Variants in GPX2 observed in about 807,000 individuals in gnomAD.
The protein encoded by GPX2 is glutathione peroxidase 2, also known as gastrointestinal glutathione peroxidase.
In GPX2, 21 loss-of-function variants were observed where a neutral mutation model predicts 14.1. The ratio of observed to expected loss-of-function variants is 1.48; its 90% CI spans 1.05 to 2.14. The LOEUF (loss-of-function observed/expected upper bound fraction) is 2.14. Among genes scored for constraint, GPX2 ranks in the 30% most tolerant of loss-of-function variants. The pLI is 0.00. For synonymous variants in GPX2, 94 were observed against 95.2 expected, an observed-to-expected ratio of 0.99 and a Z score of 0.07; for missense variants, 241 against 249.8, an observed-to-expected ratio of 0.96 and a Z score of 0.24.
rs766927254 is a variant in GPX2, at chr14:64,939,812, C to A, written c.249G>T (p.Leu83=). 3 of 1,614,006 alleles carry A rather than the reference C, an allele frequency of 1.9e-6. No homozygotes were observed. Among genetic ancestry groups the A allele is most frequent in the East Asian group, 4.5e-5 (2 of 44,878 alleles). The change falls in exon 2 of 2, where the codon CTG becomes CTT. Residue 83 remains leucine, a synonymous_variant. Transcript: ENST00000389614. The surrounding 1 kb of genome is among the most constrained non-coding windows in gnomAD (Gnocchi z 5.7). ...CAGGACGGACATACTTGAGACTGTT[C>A]AGGATCTCCTCATTCTGACAGTTCT... ...HQENCQNEEI[L]NSLKYVRPGG...
intron 1 of GPX2, among the ~76,000 whole-genome samples, chr14:64,941,763 G>T (rs868242634): frequency 5.3e-5 from 8 of 152,174 alleles, no homozygotes; most frequent in African/African-American, 1.2e-4. Context: ...AAGAGAACTC[G>T]AGGTGTGTGG....
chr14:64,940,041 T>C lies in GPX2; in HGVS notation c.223-203A>G. On this transcript the variant is annotated intron_variant, in intron 1 of 1. Transcript: ENST00000389614. This position sits in a 1 kb window ranked among gnomAD's most constrained non-coding sequence, Gnocchi z 4.5. ...AAGCATTCCTCCTGCTTCAGCCTCT[T>C]TAGTAGCTGAGACTACAGACACAGG... 6.8e-7 allele frequency: 1 copy of C among 1,477,392 alleles called. No individual in the cohort carries two copies. Among genetic ancestry groups the C allele is most frequent in the Non-Finnish European group, 9.0e-7 (1 of 1,116,096 alleles). 91.5% of individuals were successfully genotyped at this position (1,477,392 alleles called of 1,614,324 possible).
Position 64,939,431 on chromosome 14 carries a change from C to T in GPX2, c.*57G>A. On this transcript the variant is annotated 3_prime_UTR_variant, in exon 2 of 2. Coordinates refer to ENST00000389614, the MANE Select transcript of GPX2 (RefSeq NM_002083.4). The surrounding 1 kb of genome is among the most constrained non-coding windows in gnomAD (Gnocchi z 5.7). The stretch of plus-strand genomic sequence containing the variant: ...AGTGTCTCCTGAAGGCATGCTGCAT[C>T]CTAAGGCTCCTCAGGACTGGATGGA... 3 of 1,388,434 alleles carry T rather than the reference C, an allele frequency of 2.2e-6. No homozygotes were observed. The highest frequency in any genetic ancestry group is 3.0e-6 in the Non-Finnish European group (3 of 992,110). 86.0% of individuals were successfully genotyped at this position (1,388,434 alleles called of 1,614,324 possible). A position where few individuals can be genotyped will look rare whatever the true frequency, so the allele number is the denominator to read the frequency against.
chr14:64,941,376 A>T, intron 1 of GPX2: 1 of 1,279,750 alleles, frequency 7.8e-7, no homozygotes, highest in Non-Finnish European at 1.0e-6. Flanking sequence ...GCAGATTTCT[A>T]TTTCTTGATA....
chr14:64,940,482 TGAA>T lies in GPX2; in HGVS notation c.223-647_223-645del, dbSNP rs1203021234. On this transcript the variant is annotated intron_variant, in intron 1 of 1. Transcript: ENST00000389614. This position sits in a 1 kb window ranked among gnomAD's most constrained non-coding sequence, Gnocchi z 4.5. ...CTTTCTTCTTGCCTTGTCCTAGAAC[TGAA>T]GTACAAATGGGAAGAAGCTTTGATG... is the stretch of plus-strand genomic sequence containing the variant. 2.6e-5 allele frequency among the ~76,000 whole-genome samples: 4 copies of T among 152,152 alleles called. No individual in the cohort carries two copies. The East Asian group carries it at 7.7e-4, about 29-fold the overall frequency.
At chr14:64,941,654 T>A in intron 1 of GPX2, 1 of 685,294 alleles carries the variant, frequency 1.5e-6, no homozygotes, top group Non-Finnish European at 2.1e-6. Context: ...TTCATACCAC[T>A]GTGAATTGAA....
chr14:64,942,378 C>T (rs17880758), intron 1 of GPX2, 127 bp downstream of exon 1: 43,615 of 712,942 alleles, frequency 0.061, 1,883 homozygotes, highest in South Asian at 0.14. Context: ...ACCTAAAGAC[C>T]TAGCTTAACA....
Position 64,940,459 on chromosome 14 carries a change from T to G in GPX2, c.223-621A>C, listed in dbSNP as rs1566836513. ...GGAATGGGATTTACAGCTTCTTGCT[T>G]TCTTCTTGCCTTGTCCTAGAACTGA... On this transcript the variant is annotated intron_variant, in intron 1 of 1. Transcript: ENST00000389614. This position sits in a 1 kb window ranked among gnomAD's most constrained non-coding sequence, Gnocchi z 4.5. Among the ~76,000 whole-genome samples the G allele has an allele frequency of 1.3e-5, 2 of 152,208 alleles. No individual in the cohort carries two copies. Among genetic ancestry groups the G allele is most frequent in the Admixed American group, 1.3e-4 (2 of 15,280 alleles).
In GPX2 at chr14:64,940,083, A is replaced by ATTT. The variant is rs199610896; in HGVS notation, c.223-248_223-246dup. 1.4e-4 allele frequency: 170 copies of ATTT among 1,209,272 alleles called. No individual in the cohort carries two copies. Among genetic ancestry groups the ATTT allele is most frequent in the East Asian group, 1.3e-3 (35 of 27,680 alleles). The allele number at this position is 1,209,272 out of a possible 1,614,324, so 74.9% of individuals were successfully genotyped here. On this transcript the variant is annotated intron_variant, in intron 1 of 1. Transcript: ENST00000389614. This position sits in a 1 kb window ranked among gnomAD's most constrained non-coding sequence, Gnocchi z 4.5. ...AGACACAGGCCACCATGCCCGGCTA[A>ATTT]TTTTTTTTTTTTTTTGTAGAGATGG... is the stretch of plus-strand genomic sequence containing the variant.
chr14:64,939,642 A>G lies in GPX2; in HGVS notation c.419T>C (p.Ile140Thr). The change falls in exon 2 of 2, where the codon ATC (isoleucine) becomes ACC (threonine). Residue 140 changes from isoleucine (I) to threonine (T), a missense_variant. By Grantham distance (89) the Ile-to-Thr change is moderately conservative. Transcript: ENST00000389614. The surrounding 1 kb of genome is among the most constrained non-coding windows in gnomAD (Gnocchi z 5.7). ...TGAGCGGCGCACAGGGCTCCAAATG[A>G]TGAGCTTGGGATCGGTCATGAGGGA... Reference protein sequence around the residue: ...PFSLMTDPKLIIWSPVRRSDV... With the variant: ...PFSLMTDPKLTIWSPVRRSDV... 1.2e-6 allele frequency: 2 copies of G among 1,614,114 alleles called. No individual in the cohort carries two copies. The highest frequency in any genetic ancestry group is 2.2e-5 in the South Asian group (2 of 91,078).
Position 64,939,167 on chromosome 14 carries a change from C to T in GPX2, c.*321G>A. The stretch of plus-strand genomic sequence containing the variant: ...ACACACAGGCTGGCCGTTTCCACAC[C>T]TGCCCTTTATTGGTCTCTTCTAGCA... On this transcript the variant is annotated 3_prime_UTR_variant, in exon 2 of 2. Coordinates refer to ENST00000389614, the MANE Select transcript of GPX2 (RefSeq NM_002083.4). This position sits in a 1 kb window ranked among gnomAD's most constrained non-coding sequence, Gnocchi z 5.7. The T allele has an allele frequency of 3.9e-6, 1 of 257,052 alleles. No individual in the cohort carries two copies. The highest frequency in any genetic ancestry group is 8.5e-5 in the East Asian group (1 of 11,800). The allele number at this position is 257,052 out of a possible 1,614,324, so 15.9% of individuals were successfully genotyped here. A position where few individuals can be genotyped will look rare whatever the true frequency, so the allele number is the denominator to read the frequency against.
chr14:64,939,552 C>G lies in GPX2; in HGVS notation c.509G>C (p.Ser170Thr). The G allele has an allele frequency of 1.2e-6, 2 of 1,614,152 alleles. No individual in the cohort carries two copies. Among genetic ancestry groups the G allele is most frequent in the Non-Finnish European group, 1.7e-6 (2 of 1,180,030 alleles). ...AATGTTGATGGTTGGGAAGGTGCGGCTGTAGCGTCGGAAGGGCTCTCCCTC... is the reference window on the plus strand; with the variant it reads ...AATGTTGATGGTTGGGAAGGTGCGGGTGTAGCGTCGGAAGGGCTCTCCCTC... ...GPEGEPFRRY[S>T]RTFPTINIEP... Residue 170 changes from serine to threonine, a missense_variant, in exon 2 of 2, where the codon AGC (serine) becomes ACC (threonine). Coordinates refer to ENST00000389614, the MANE Select transcript of GPX2 (RefSeq NM_002083.4). This position sits in a 1 kb window ranked among gnomAD's most constrained non-coding sequence, Gnocchi z 5.7.
chr14:64,939,295 C>G lies in GPX2; in HGVS notation c.*193G>C. 1.7e-6 allele frequency: 1 copy of G among 597,978 alleles called. No individual in the cohort carries two copies. The highest frequency in any genetic ancestry group is 3.0e-6 in the Non-Finnish European group (1 of 335,436). 37.0% of individuals were successfully genotyped at this position (597,978 alleles called of 1,614,324 possible). A position where few individuals can be genotyped will look rare whatever the true frequency, so the allele number is the denominator to read the frequency against. On this transcript the variant is annotated 3_prime_UTR_variant, in exon 2 of 2. Transcript: ENST00000389614. The surrounding 1 kb of genome is among the most constrained non-coding windows in gnomAD (Gnocchi z 5.7). ...CAGAGCTTACCCAAGTCTTGGAGCCCAAGTTGAATCACCAACCAGAGGGTT... is the reference window on the plus strand; with the variant it reads ...CAGAGCTTACCCAAGTCTTGGAGCCGAAGTTGAATCACCAACCAGAGGGTT...
At chr14:64,941,527 C>G (rs1256286447) in intron 1 of GPX2, 1 of 1,287,970 alleles carries the variant, frequency 7.8e-7, no homozygotes, top group Non-Finnish European at 1.0e-6. Flanking sequence ...CTCTCCTGCT[C>G]TAGAAAAGGC....
In GPX2 at chr14:64,939,182, C is replaced by T. The variant is rs1885463317; in HGVS notation, c.*306G>A. On this transcript the variant is annotated 3_prime_UTR_variant, in exon 2 of 2. Coordinates refer to ENST00000389614, the MANE Select transcript of GPX2 (RefSeq NM_002083.4). The surrounding 1 kb of genome is among the most constrained non-coding windows in gnomAD (Gnocchi z 5.7). ...GTTTCCACACCTGCCCTTTATTGGT[C>T]TCTTCTAGCAGAGTGGCTCCAGGCC... The T allele has an allele frequency of 3.5e-6, 1 of 285,542 alleles. No homozygotes were observed. Among genetic ancestry groups the T allele is most frequent in the African/African-American group, 2.2e-5 (1 of 46,472 alleles). The allele number at this position is 285,542 out of a possible 1,614,324, so 17.7% of individuals were successfully genotyped here. A position where few individuals can be genotyped will look rare whatever the true frequency, so the allele number is the denominator to read the frequency against.
At chr14:64,941,651 C>A in intron 1 of GPX2, 1 of 707,956 alleles carries the variant, frequency 1.4e-6, no homozygotes, top group Non-Finnish European at 2.0e-6. Context: ...ACCTTCATAC[C>A]ACTGTGAATT....
At position 64,939,671 on chromosome 14, in the gene GPX2, T is replaced by A. The variant is rs1387939494; in HGVS notation, c.390A>T (p.Pro130=). The A allele has an allele frequency of 1.5e-5, 25 of 1,613,598 alleles. No individual in the cohort carries two copies. The highest frequency in any genetic ancestry group is 5.4e-5 in the African/African-American group (4 of 74,744). Residue 130 remains proline, a synonymous_variant, in exon 2 of 2, where the codon CCA becomes CCT. Coordinates refer to ENST00000389614, the MANE Select transcript of GPX2 (RefSeq NM_002083.4). This position sits in a 1 kb window ranked among gnomAD's most constrained non-coding sequence, Gnocchi z 5.7. ...KDKLPYPYDD[P]FSLMTDPKLI... ...GCTTGGGATCGGTCATGAGGGAAAATGGGTCATCATAAGGGTAGGGGAGCT... is the reference window on the plus strand; with the variant it reads ...GCTTGGGATCGGTCATGAGGGAAAAAGGGTCATCATAAGGGTAGGGGAGCT...
intron 1 of GPX2, chr14:64,941,393 G>A: frequency 7.8e-7 from 1 of 1,283,924 alleles, no homozygotes; most frequent in Non-Finnish European, 1.0e-6. Context: ...GATACAAATG[G>A]CTGGCTGGCT....
chr14:64,939,740 C>T lies in GPX2; in HGVS notation c.321G>A (p.Val107=). Residue 107 remains valine, a synonymous_variant, in exon 2 of 2, where the codon GTG becomes GTA. Coordinates refer to ENST00000389614, the MANE Select transcript of GPX2 (RefSeq NM_002083.4). This position sits in a 1 kb window ranked among gnomAD's most constrained non-coding sequence, Gnocchi z 5.7. The part of the protein sequence containing the change: ...PTFTLVQKCE[V]NGQNEHPVFA... ...AGACAGGATGCTCGTTCTGCCCATT[C>T]ACCTCACATTTTTGGACAAGGGTGA... 1 of 1,614,134 alleles carries T rather than the reference C, an allele frequency of 6.2e-7. No individual in the cohort carries two copies. The highest frequency in any genetic ancestry group is 1.3e-5 in the African/African-American group (1 of 75,010).
Sources: allele counts gnomAD v4.1 joint callset (sites outside exome capture counted in the v4.1 genomes callset), GRCh38; gene constraint gnomAD v4.1.1; non-coding constraint Gnocchi (gnomAD v3.1); transcripts MANE v1.5; gene names NCBI Gene and HGNC (gene_info 2026-07-23, HGNC 2026-07-21).